Variants in ICMT observed in about 807,000 individuals in gnomAD.
The protein encoded by ICMT is protein-S-isoprenylcysteine O-methyltransferase.
In ICMT, 10 loss-of-function variants were observed where a neutral mutation model predicts 32.2. That is an observed-to-expected ratio of 0.31 (90% CI 0.19 to 0.53). ICMT has a LOEUF of 0.53. ICMT is among the 20% of genes least tolerant of loss of function. The pLI, the probability that ICMT is intolerant of heterozygous loss-of-function variation, is 0.96. For missense variants in ICMT, 265 were observed against 356.9 expected (o/e 0.74, Z 2.07); for synonymous variants, 183 against 158.2 (o/e 1.16, Z -1.18).
chr1:6,232,947 T>A (rs1244019674), intron 3 of ICMT, among the ~76,000 whole-genome samples: 1 of 151,030 alleles, frequency 6.6e-6, no homozygotes, highest in African/African-American at 2.4e-5. Flanking sequence ...AACCTCCGCC[T>A]CCCGGATTCA....
rs1176497285 is a variant in ICMT at position 6,225,025 on chromosome 1, T to A, written c.*55A>T. 1.4e-6 allele frequency: 2 copies of A among 1,471,078 alleles called. No homozygotes were observed. The highest frequency in any genetic ancestry group is 1.9e-6 in the Non-Finnish European group (2 of 1,080,784). 91.1% of individuals were successfully genotyped at this position (1,471,078 alleles called of 1,614,324 possible). On this transcript the variant is annotated 3_prime_UTR_variant, in exon 5 of 5. Coordinates refer to ENST00000343813, the MANE Select transcript of ICMT (RefSeq NM_012405.4). ...GTGGCAGCGGCCAACCGGAAACAGT[T>A]TTGTCCCAGGCTGCACAGGGTCGGA...
chr1:6,232,998 C>A (rs1668761094), intron 3 of ICMT, among the ~76,000 whole-genome samples: 1 of 152,056 alleles, frequency 6.6e-6, no homozygotes, highest in Admixed American at 6.5e-5. Context: ...GCTGGGATTA[C>A]AGGCATGTGC....
intron 4 of ICMT, among the ~76,000 whole-genome samples, chr1:6,225,850 TG>T (rs2100960355): frequency 6.6e-6 from 1 of 152,140 alleles, no homozygotes; most frequent in Admixed American, 6.5e-5. Flanking sequence ...CCCCACGCTG[TG>T]CCCACTTTGC....
Position 6,235,933 on chromosome 1 carries a change from G to T in ICMT, c.-22C>A. ...CCATGGCGCCGGGCGGCGGACTAGC[G>T]GGCGGCGGCGCCGGCTGTAGCCCGG... On this transcript the variant is annotated 5_prime_UTR_variant, in exon 1 of 5. Transcript: ENST00000343813. The T allele has an allele frequency of 3.7e-6, 4 of 1,093,890 alleles. No individual in the cohort carries two copies. The highest frequency in any genetic ancestry group is 4.5e-6 in the Non-Finnish European group (4 of 898,564). The allele number at this position is 1,093,890 out of a possible 1,614,324, so 67.8% of individuals were successfully genotyped here. A position where few individuals can be genotyped will look rare whatever the true frequency, so the allele number is the denominator to read the frequency against.
rs1668799171 is a variant in ICMT, at chr1:6,235,069, C to G, written c.196-95G>C. Reference sequence around the variant, plus strand: ...CCGGAATAGGCAACCCACAGGCAAGCAGATAGAGCCGATTTGCTGAGGTTG... The same window carrying G: ...CCGGAATAGGCAACCCACAGGCAAGGAGATAGAGCCGATTTGCTGAGGTTG... On this transcript the variant is annotated intron_variant, in intron 1 of 4. Transcript: ENST00000343813. 3.2e-6 allele frequency: 3 copies of G among 925,306 alleles called. No individual in the cohort carries two copies. In the Admixed American group the frequency reaches 5.8e-5, roughly 18 times the overall value. The allele number at this position is 925,306 out of a possible 1,614,324, so 57.3% of individuals were successfully genotyped here.
chr1:6,228,840 AAC>A (rs2100963541), intron 4 of ICMT, among the ~76,000 whole-genome samples: 1 of 151,690 alleles, frequency 6.6e-6, no homozygotes, highest in East Asian at 2.0e-4. Context: ...CCGCCTGGCC[AAC>A]ACAGTGAAAC....
chr1:6,224,963 G>T lies in ICMT; in HGVS notation c.*117C>A, dbSNP rs1668621748. 2 of 943,782 alleles carry T rather than the reference G, an allele frequency of 2.1e-6. No individual in the cohort carries two copies. Among genetic ancestry groups the T allele is most frequent in the Non-Finnish European group, 3.2e-6 (2 of 620,102 alleles). 58.5% of individuals were successfully genotyped at this position (943,782 alleles called of 1,614,324 possible). ...CTTGGTCTTGAGTGACATTCCAGAA[G>T]AGTGACTAATGACATAAAACGATTA... On this transcript the variant is annotated 3_prime_UTR_variant, in exon 5 of 5. Transcript: ENST00000343813.
At chr1:6,226,338 G>A (rs1464086943) in intron 4 of ICMT, among the ~76,000 whole-genome samples, 1 of 152,176 alleles carries the variant, frequency 6.6e-6, no homozygotes, top group East Asian at 1.9e-4. Flanking sequence ...AGAGGTTGCA[G>A]TGAGCTGAGA....
Position 6,235,895 on chromosome 1 carries a change from G to C in ICMT, c.17C>G (p.Ala6Gly). 1 of 1,131,506 alleles carries C rather than the reference G, an allele frequency of 8.8e-7. No individual in the cohort carries two copies. Among genetic ancestry groups the C allele is most frequent in the Non-Finnish European group, 1.1e-6 (1 of 924,978 alleles). The allele number at this position is 1,131,506 out of a possible 1,614,324, so 70.1% of individuals were successfully genotyped here. A position where few individuals can be genotyped will look rare whatever the true frequency, so the allele number is the denominator to read the frequency against. Residue 6 changes from alanine (A) to glycine (G), a missense_variant, in exon 1 of 5, where the codon GCG (alanine) becomes GGG (glycine). This residue lies in a region of ICMT where 99 missense variants were observed against 92.6 expected (regional missense o/e 1.07). Transcript: ENST00000343813. MAGCA[A>G]RAPPGSEARL... ...CGCCTCAGAGCCCGGCGGAGCCCGC[G>C]CCGCGCAGCCCGCCATGGCGCCGGG...
chr1:6,226,277 T>C (rs1005894494), intron 4 of ICMT, among the ~76,000 whole-genome samples: 5 of 152,054 alleles, frequency 3.3e-5, no homozygotes, highest in African/African-American at 1.2e-4. Flanking sequence ...GAGCCTGTAA[T>C]CCCAGCTACT....
rs139829437 is a variant in ICMT, at chr1:6,224,082, G to A, written c.*998C>T. ...CTCAAATCCCTTTGGAAAACAGTTT[G>A]AAATGACATGAGGGACAATGTAATT... On this transcript the variant is annotated 3_prime_UTR_variant, in exon 5 of 5. Transcript: ENST00000343813. 19 of 152,306 alleles carry A rather than the reference G, an allele frequency of 1.2e-4. No individual in the cohort carries two copies. Among genetic ancestry groups the A allele is most frequent in the African/African-American group, 4.6e-4 (19 of 41,574 alleles). The allele number at this position is 152,306 out of a possible 1,614,324, so 9.4% of individuals were successfully genotyped here.
At chr1:6,228,220 C>T (rs1009457362) in intron 4 of ICMT, among the ~76,000 whole-genome samples, 6 of 152,178 alleles carry the variant, frequency 3.9e-5, no homozygotes, top group East Asian at 1.9e-4. Flanking sequence ...GCAATCAAAG[C>T]GATCCTCCTG....
intron 4 of ICMT, among the ~76,000 whole-genome samples, chr1:6,229,450 C>T (rs774889485): frequency 6.6e-6 from 1 of 152,110 alleles, no homozygotes; most frequent in Non-Finnish European, 1.5e-5. Flanking sequence ...TGCACTCCAG[C>T]CTGGGCAACA....
chr1:6,235,838 G>A lies in ICMT; in HGVS notation c.74C>T (p.Ala25Val). 7.8e-7 allele frequency: 1 copy of A among 1,285,510 alleles called. No individual in the cohort carries two copies. Among genetic ancestry groups the A allele is most frequent in the Non-Finnish European group, 9.9e-7 (1 of 1,006,818 alleles). 79.6% of individuals were successfully genotyped at this position (1,285,510 alleles called of 1,614,324 possible). ...RLSLATFLLG[A>V]SVLALPLLTR... ...GAGCAGCGGCAGCGCGAGCACCGAGGCGCCCAGCAGGAAGGTGGCGAGGCT... is the reference window on the plus strand; with the variant it reads ...GAGCAGCGGCAGCGCGAGCACCGAGACGCCCAGCAGGAAGGTGGCGAGGCT... The change falls in exon 1 of 5, where the codon GCC (alanine) becomes GTC (valine). Residue 25 changes from alanine to valine, a missense_variant. Physicochemically the swap from Ala to Val is moderately conservative, Grantham distance 64. Coordinates refer to ENST00000343813, the MANE Select transcript of ICMT (RefSeq NM_012405.4).
At chr1:6,231,017 C>T (rs1668727149) in intron 4 of ICMT, among the ~76,000 whole-genome samples, 1 of 151,426 alleles carries the variant, frequency 6.6e-6, no homozygotes, top group South Asian at 2.1e-4. Flanking sequence ...CTCTGGGCAA[C>T]TCGAGAAACC....
At position 6,225,132 on chromosome 1, in the gene ICMT, T is replaced by C; in HGVS notation, c.803A>G (p.Lys268Arg). 1 of 1,614,174 alleles carries C rather than the reference T, an allele frequency of 6.2e-7. No individual in the cohort carries two copies. Among genetic ancestry groups the C allele is most frequent in the African/African-American group, 1.3e-5 (1 of 75,056 alleles). ...GAAAGGCAGGCCCGTGGGCACCCTC[T>C]TCTTATACTCCAGGTACTCCTCTCC... is the stretch of plus-strand genomic sequence containing the variant. ...FFGEEYLEYKKRVPTGLPFIK... is the reference protein window; with the variant it reads ...FFGEEYLEYKRRVPTGLPFIK... Residue 268 changes from lysine (K) to arginine (R), a missense_variant, in exon 5 of 5, where the codon AAG (lysine) becomes AGG (arginine). By Grantham distance (26) the Lys-to-Arg change is conservative (BLOSUM62 2). Transcript: ENST00000343813.
chr1:6,233,853 GTT>G (rs1040683155), intron 2 of ICMT, among the ~76,000 whole-genome samples: 89 of 152,198 alleles, frequency 5.8e-4, no homozygotes, highest in African/African-American at 2.0e-3. Flanking sequence ...CTGGTGTTTT[GTT>G]TTGTTTTGTT....
At chr1:6,233,101 G>A (rs972673406) in intron 3 of ICMT, among the ~76,000 whole-genome samples, 5 of 151,744 alleles carry the variant, frequency 3.3e-5, no homozygotes, top group Non-Finnish European at 5.9e-5. Flanking sequence ...TGATCCACCC[G>A]CCTCGACCTC....
Position 6,230,863 on chromosome 1 carries a change from T to C in ICMT, c.672+1039A>G, listed in dbSNP as rs557528729. Reference sequence around the variant, plus strand: ...GAGATCATGCCACTGCACTCCAGCCTGGGCAACAGGGCAACAGAGTGAGAC... The same window carrying C: ...GAGATCATGCCACTGCACTCCAGCCCGGGCAACAGGGCAACAGAGTGAGAC... On this transcript the variant is annotated intron_variant, in intron 4 of 4. Coordinates refer to ENST00000343813, the MANE Select transcript of ICMT (RefSeq NM_012405.4). 1.3e-4 allele frequency among the ~76,000 whole-genome samples: 19 copies of C among 141,314 alleles called. No individual in the cohort carries two copies. The East Asian group carries it at 3.3e-3, about 25-fold the overall frequency. 92.7% of individuals were successfully genotyped at this position (141,314 alleles called of 152,430 possible).
Sources: gnomAD v4.1 joint callset for allele counts (sites outside exome capture counted in the v4.1 genomes callset) on GRCh38, gnomAD v4.1.1 for gene constraint, gnomAD v4.1.1 regional missense constraint, MANE v1.5 for transcripts, NCBI Gene and HGNC (gene_info 2026-07-23, HGNC 2026-07-21) for gene names.